Variants in TAF4B observed in about 807,000 individuals in gnomAD.
The protein encoded by TAF4B is TATA-box binding protein associated factor 4b.
TAF4B carries 38 observed loss-of-function variants against 86.4 expected under a neutral mutation model. The ratio of observed to expected loss-of-function variants is 0.44; its 90% CI spans 0.34 to 0.58. The LOEUF (loss-of-function observed/expected upper bound fraction) is 0.58, where lower values mean the gene tolerates loss of function less well. Ranked by LOEUF, TAF4B falls within the 20% of genes least tolerant of loss-of-function variation. The pLI is 0.02. For missense variants in TAF4B, 988 were observed against 1,027.6 expected (o/e 0.96, Z 0.53); for synonymous variants, 388 against 391.2 (o/e 0.99, Z 0.10).
chr18:26,361,938 A>C (rs964275516), intron 14 of TAF4B, among the ~76,000 whole-genome samples: 13 of 152,120 alleles, frequency 8.5e-5, no homozygotes, highest in Admixed American at 8.5e-4. Flanking sequence ...GTATATTCCT[A>C]TAAATATGCT....
chr18:26,304,904 T>C, intron 9 of TAF4B: 4 of 984,548 alleles, frequency 4.1e-6, no homozygotes, highest in Non-Finnish European at 4.8e-6. Context: ...GACTTATTAC[T>C]TTCGCCCATT....
At chr18:26,321,519 T>C (rs1364510246) in intron 11 of TAF4B, among the ~76,000 whole-genome samples, 1 of 150,054 alleles carries the variant, frequency 6.7e-6, no homozygotes, top group African/African-American at 2.4e-5. Context: ...TTCTCTTCAG[T>C]GTTCTGCACT....
chr18:26,234,414 G>A (rs893715745), intron 1 of TAF4B, among the ~76,000 whole-genome samples: 5 of 152,156 alleles, frequency 3.3e-5, no homozygotes, highest in African/African-American at 4.8e-5. Context: ...CTTTCTTTCC[G>A]TATTGCAGCA....
At chr18:26,341,455 G>A (rs1348001938) in intron 13 of TAF4B, among the ~76,000 whole-genome samples, 1 of 152,000 alleles carries the variant, frequency 6.6e-6, no homozygotes, top group African/African-American at 2.4e-5. Flanking sequence ...AAAAAATTTT[G>A]TAATATAGAA....
chr18:26,315,133 TCTCTCTCTCTCTG>T (rs2056891457), intron 9 of TAF4B, 83 bp from the exon 10 acceptor site: 20 of 369,326 alleles, frequency 5.4e-5, no homozygotes, highest in Non-Finnish European at 7.3e-5. Flanking sequence ...TCTCTCTCTC[TCTCTCTCTCTCTG>T]TCTCTCTCTC....
rs149148443 is a variant in TAF4B at position 26,275,520 on chromosome 18, G to C, written c.882+467G>C. 3.6e-3 allele frequency among the ~76,000 whole-genome samples: 555 copies of C among 152,210 alleles called. 7 individuals carry two copies. The highest frequency in any genetic ancestry group is 0.013 in the African/African-American group (535 of 41,544). On this transcript the variant is annotated intron_variant, in intron 5 of 14. Coordinates refer to ENST00000269142, the MANE Select transcript of TAF4B (RefSeq NM_005640.3). ...TTTTGCTTCTTGAAAGCTTTGTAAA[G>C]ACTATAAATCTTGGCTAGAAAAACC... is the stretch of plus-strand genomic sequence containing the variant.
intron 3 of TAF4B, among the ~76,000 whole-genome samples, chr18:26,269,189 T>G (rs2056281622): frequency 6.6e-6 from 1 of 151,826 alleles, no homozygotes. Flanking sequence ...GGTGTTTGCT[T>G]CCTGTGGGCA....
At chr18:26,307,788 C>T (rs1017430333) in intron 9 of TAF4B, among the ~76,000 whole-genome samples, 1 of 152,106 alleles carries the variant, frequency 6.6e-6, no homozygotes, top group African/African-American at 2.4e-5. Context: ...ATTTAACTTT[C>T]ATCATATATA....
At chr18:26,322,184 C>T (rs1023927690) in intron 11 of TAF4B, among the ~76,000 whole-genome samples, 13 of 152,036 alleles carry the variant, frequency 8.6e-5, no homozygotes, top group African/African-American at 1.4e-4. Context: ...TGGTCATTGC[C>T]GTGATATCCT....
chr18:26,295,670 T>C (rs1420338758), intron 9 of TAF4B, among the ~76,000 whole-genome samples: 2 of 152,350 alleles, frequency 1.3e-5, no homozygotes, highest in South Asian at 4.1e-4. Flanking sequence ...TGTCCTAAGT[T>C]GTTGTATGTT....
At chr18:26,357,827 A>G in intron 14 of TAF4B, 33 bp downstream of exon 14, 1 of 1,519,944 alleles carries the variant, frequency 6.6e-7, no homozygotes, top group Non-Finnish European at 9.0e-7. Flanking sequence ...TTTATTTTTA[A>G]TGTCAAGAAA....
At chr18:26,383,660 A>C (rs897982880) in intron 14 of TAF4B, among the ~76,000 whole-genome samples, 1 of 152,196 alleles carries the variant, frequency 6.6e-6, no homozygotes, top group African/African-American at 2.4e-5. Context: ...TAGCTCTCAT[A>C]ATTACAGAGC....
chr18:26,230,269 T>G (rs1359004274), intron 1 of TAF4B, among the ~76,000 whole-genome samples: 1 of 152,166 alleles, frequency 6.6e-6, no homozygotes, highest in Non-Finnish European at 1.5e-5. Flanking sequence ...TGTACAAAAG[T>G]GTGAAAGTTA....
intron 1 of TAF4B, among the ~76,000 whole-genome samples, chr18:26,242,285 T>C (rs897243330): frequency 6.6e-6 from 1 of 152,214 alleles, no homozygotes. Context: ...TGGGTGCATA[T>C]ATATTTAGGA....
rs2056455778 is a variant in TAF4B at position 26,281,990 on chromosome 18, A to G, written c.902A>G (p.Glu301Gly). 1 of 1,613,136 alleles carries G rather than the reference A, an allele frequency of 6.2e-7. No homozygotes were observed. The highest frequency in any genetic ancestry group is 8.5e-7 in the Non-Finnish European group (1 of 1,179,680). ...EQLLDAKIEA[E>G]EFTRKLYVEL... is the part of the protein sequence containing the mutation. ...CCTCAGGATGCAAAAATCGAAGCAGAAGAATTTACTAGGAAACTGTATGTT... is the reference window on the plus strand; with the variant it reads ...CCTCAGGATGCAAAAATCGAAGCAGGAGAATTTACTAGGAAACTGTATGTT... The change falls in exon 6 of 15, where the codon GAA becomes GGA. Residue 301 changes from glutamate (E) to glycine (G), a missense_variant. By Grantham distance (98) the Glu-to-Gly change is moderately conservative (BLOSUM62 -2). Around this residue, in one of 3 missense-constraint regions of TAF4B, gnomAD observed 747 missense variants for 737.9 expected, o/e 1.01. Coordinates refer to ENST00000269142, the MANE Select transcript of TAF4B (RefSeq NM_005640.3).
intron 10 of TAF4B, among the ~76,000 whole-genome samples, chr18:26,316,131 G>C (rs1400558984): frequency 6.6e-6 from 1 of 152,014 alleles, no homozygotes; most frequent in East Asian, 1.9e-4. Context: ...CTTGAACCCG[G>C]GAGGCTTCTT....
chr18:26,322,627 C>A (rs2056972272), intron 11 of TAF4B, among the ~76,000 whole-genome samples: 1 of 152,006 alleles, frequency 6.6e-6, no homozygotes, highest in South Asian at 2.1e-4. Context: ...TGCATCTTCT[C>A]TCTTTTTCTT....
rs58691265 is a variant in TAF4B, at chr18:26,315,095, ACTCTCTCTCTCT to A, written c.1833-95_1833-84del. The A allele has an allele frequency of 3.8e-3, 841 of 220,090 alleles. 2 individuals are homozygous for A. The highest frequency in any genetic ancestry group is 0.015 in the Middle Eastern group (11 of 750). 13.6% of individuals were successfully genotyped at this position (220,090 alleles called of 1,614,324 possible). A position where few individuals can be genotyped will look rare whatever the true frequency, so the allele number is the denominator to read the frequency against. ...ACCTCTAATTCTTTTGCTCTCTGAA[ACTCTCTCTCTCT>A]CTCTCTCTCTCTCTCTCTCTCTCTC... On this transcript the variant is annotated intron_variant, in intron 9 of 14. Transcript: ENST00000269142.
intron 1 of TAF4B, among the ~76,000 whole-genome samples, chr18:26,257,323 CTTCT>C (rs1415731864): frequency 6.6e-6 from 1 of 152,128 alleles, no homozygotes; most frequent in Non-Finnish European, 1.5e-5. Context: ...ACAAAATGCC[CTTCT>C]TTATCTCTTG....
Sources: gnomAD v4.1 joint callset for allele counts (sites outside exome capture counted in the v4.1 genomes callset) on GRCh38, gnomAD v4.1.1 for gene constraint, gnomAD v4.1.1 regional missense constraint, MANE v1.5 for transcripts, NCBI Gene and HGNC (gene_info 2026-07-23, HGNC 2026-07-21) for gene names.